Variants in CYREN observed in about 807,000 individuals in gnomAD.
The protein encoded by CYREN is cell cycle regulator of non-homologous end joining.
CYREN carries 7 observed loss-of-function variants against 9.7 expected under a neutral mutation model. The ratio of observed to expected loss-of-function variants is 0.72; its 90% confidence interval spans 0.41 to 1.36. The LOEUF (loss-of-function observed/expected upper bound fraction) is 1.36. CYREN is among the 40% of genes most tolerant of loss of function. The pLI is 0.01. For synonymous variants in CYREN, 76 were observed against 77.9 expected (o/e 0.98, Z 0.13); for missense variants, 215 against 198.1 (o/e 1.09, Z -0.51).
rs762344430 is a variant in CYREN at position 135,167,049 on chromosome 7, C to CCT, written c.214-180_214-179dup. Reference sequence around the variant, plus strand: ...TTCACCCCACTCCTTCCCCTGACCCCCTCTTCACAGCTCTTGAAGAAACCA... The same window carrying CCT: ...TTCACCCCACTCCTTCCCCTGACCCCCTCTCTTCACAGCTCTTGAAGAAACCA... On this transcript the variant is annotated intron_variant, in intron 3 of 3. Coordinates refer to ENST00000393114, the MANE Select transcript of CYREN (RefSeq NM_024033.4). 864 of 985,216 alleles carry CCT rather than the reference C, an allele frequency of 8.8e-4. 1 individual carries two copies. The highest frequency in any genetic ancestry group is 9.8e-4 in the Admixed American group (16 of 16,278). 61.0% of individuals were successfully genotyped at this position (985,216 alleles called of 1,614,324 possible). A position where few individuals can be genotyped will look rare whatever the true frequency, so the allele number is the denominator to read the frequency against.
At chr7:135,100,836 C>A (rs1274440131) in intron 2 of CYREN, among the ~76,000 whole-genome samples, 1 of 152,116 alleles carries the variant, frequency 6.6e-6, no homozygotes. Flanking sequence ...CCACCTCTGC[C>A]CCTTACTAGT....
downstream of CYREN, among the ~76,000 whole-genome samples, chr7:135,162,710 G>T (rs112310328): frequency 3.3e-5 from 5 of 152,114 alleles, no homozygotes; most frequent in Admixed American, 6.5e-5. Flanking sequence ...CACAATGTGG[G>T]GATTATGGGA....
rs1563261250 is a variant in CYREN at position 135,097,082 on chromosome 7, CCCAAAT to C, written n.357-2506_357-2501del. On this transcript the variant is annotated intron_variant and non_coding_transcript_variant, in intron 2 of 2. Coordinates refer to the CYREN transcript ENST00000459937. The stretch of plus-strand genomic sequence containing the variant: ...CTGGTGAATTTGCTTGGGCATACCA[CCCAAAT>C]GAATGCTTATCACATCAACAAATGA... Among the ~76,000 whole-genome samples the C allele has an allele frequency of 7.0e-3, 1,070 of 152,292 alleles. 13 individuals carry two copies. Among genetic ancestry groups the C allele is most frequent in the African/African-American group, 0.025 (1,020 of 41,564 alleles).
At position 135,128,943 on chromosome 7, in the gene CYREN, A is replaced by G. The variant is rs1387230787; in HGVS notation, n.357-34361T>C. 7 of 1,568,062 alleles carry G rather than the reference A, an allele frequency of 4.5e-6. No individual in the cohort carries two copies. In the African/African-American group the frequency reaches 5.4e-5, roughly 12 times the overall value. Reference sequence around the variant, plus strand: ...GTTCCTGTGCAATATCTGTTTCTGTAAGAAGCTGGGTAGTGAATGCATGTA... The same window carrying G: ...GTTCCTGTGCAATATCTGTTTCTGTGAGAAGCTGGGTAGTGAATGCATGTA... On this transcript the variant is annotated intron_variant and non_coding_transcript_variant, in intron 2 of 2. Transcript: ENST00000459937.
exon 3 of CYREN, chr7:135,093,759 G>C (rs1284117675): frequency 6.6e-6 from 1 of 152,056 alleles, no homozygotes; most frequent in African/African-American, 2.4e-5. Context: ...AACCAAATCT[G>C]AAATTTATAT....
At chr7:135,098,671 A>C (rs1245695253) in intron 2 of CYREN, among the ~76,000 whole-genome samples, 1 of 152,166 alleles carries the variant, frequency 6.6e-6, no homozygotes, top group Non-Finnish European at 1.5e-5. Context: ...TTTCGCATTT[A>C]AGTGAGAATA....
intron 2 of CYREN, among the ~76,000 whole-genome samples, chr7:135,136,181 G>A (rs1047370106): frequency 6.6e-6 from 1 of 152,060 alleles, no homozygotes; most frequent in African/African-American, 2.4e-5. Flanking sequence ...ATTAGAGGAT[G>A]AGGCTAAGCA....
chr7:135,103,846 T>C (rs1215550256), intron 2 of CYREN, among the ~76,000 whole-genome samples: 1 of 152,178 alleles, frequency 6.6e-6, no homozygotes, highest in Non-Finnish European at 1.5e-5. Context: ...CCATTCCTTG[T>C]GTTGTAATTT....
intron 2 of CYREN, among the ~76,000 whole-genome samples, chr7:135,120,058 A>G (rs373759876): frequency 6.6e-6 from 1 of 152,202 alleles, no homozygotes; most frequent in East Asian, 1.9e-4. Flanking sequence ...GAAGTCAAGA[A>G]AGGTTCAGAT....
At chr7:135,165,489 T>A, downstream of CYREN, 2 of 170,056 alleles carry the variant, frequency 1.2e-5, no homozygotes. Flanking sequence ...CCATAGTGAG[T>A]GGGCCGCCAT....
In CYREN at chr7:135,158,040, G is replaced by A. The variant is rs187216450; in HGVS notation, n.356+10709C>T. On this transcript the variant is annotated intron_variant and non_coding_transcript_variant, in intron 2 of 2. Coordinates refer to the CYREN transcript ENST00000459937. ...ACTGGGTATTGTCCTAGGTATGTGC[G>A]GGAGAGCATAGATTCCTTGTTTCTC... Among the ~76,000 whole-genome samples, 165 of 151,990 alleles carry A rather than the reference G, an allele frequency of 1.1e-3. 1 individual carries two copies. The highest frequency in any genetic ancestry group is 1.4e-3 in the Non-Finnish European group (98 of 67,930).
chr7:135,168,291 A>ACCACCCCCCCCCCCCC (rs1554392990), intron 2 of CYREN: 2 of 6,354 alleles, frequency 3.1e-4, no homozygotes, highest in East Asian at 8.8e-3. Flanking sequence ...GAGACTCACC[A>ACCACCCCCCCCCCCCC]CCCCCCCCCC....
intron 2 of CYREN, among the ~76,000 whole-genome samples, chr7:135,120,543 A>G (rs996427759): frequency 6.6e-6 from 1 of 152,266 alleles, no homozygotes; most frequent in Non-Finnish European, 1.5e-5. Context: ...GAAAGAGAAA[A>G]CAAAAAACAA....
At chr7:135,142,124 T>A (rs969253011) in intron 2 of CYREN, among the ~76,000 whole-genome samples, 13 of 151,572 alleles carry the variant, frequency 8.6e-5, no homozygotes, top group Non-Finnish European at 1.9e-4. Flanking sequence ...CTCAGTGATA[T>A]GTCTAATACT....
chr7:135,100,455 T>C (rs1225699480), intron 2 of CYREN, among the ~76,000 whole-genome samples: 4 of 152,206 alleles, frequency 2.6e-5, no homozygotes, highest in African/African-American at 9.6e-5. Flanking sequence ...AACAACTGTC[T>C]GGATGGTGGA....
At chr7:135,164,730 G>T (rs1277452876), downstream of CYREN, 10 of 1,614,050 alleles carry the variant, frequency 6.2e-6, no homozygotes, top group Non-Finnish European at 8.5e-6. Flanking sequence ...CACCCTCTTT[G>T]CCCCCCAGCC....
At chr7:135,155,855 ATAAT>A (rs1338189219) in intron 2 of CYREN, among the ~76,000 whole-genome samples, 1 of 152,240 alleles carries the variant, frequency 6.6e-6, no homozygotes. Flanking sequence ...TCTATCAAAA[ATAAT>A]TAATTAAAAA....
At chr7:135,168,522 G>A in intron 2 of CYREN, 3 of 500,220 alleles carry the variant, frequency 6.0e-6, no homozygotes, top group Non-Finnish European at 1.1e-5. Context: ...TCAGAGACTG[G>A]CTGACATGGA....
chr7:135,131,916 T>G (rs1828832468), intron 2 of CYREN, among the ~76,000 whole-genome samples: 1 of 152,092 alleles, frequency 6.6e-6, no homozygotes, highest in Non-Finnish European at 1.5e-5. Context: ...CACACAAATT[T>G]GACAACTTAC....
Sources: gnomAD v4.1 joint callset for allele counts (sites outside exome capture counted in the v4.1 genomes callset) on GRCh38, gnomAD v4.1.1 for gene constraint, MANE v1.5 for transcripts, NCBI Gene and HGNC (gene_info 2026-07-23, HGNC 2026-07-21) for gene names.